The following CSNK2A2 variants were observed in gnomAD, a reference collection of about 807,000 sequenced individuals.
CSNK2A2 encodes the protein casein kinase 2 alpha 2, also known as casein kinase II subunit alpha'.
In CSNK2A2, 8 loss-of-function variants were observed where a neutral mutation model predicts 54.0. The observed-to-expected ratio is 0.15, with a 90% CI of 0.09 to 0.27. CSNK2A2 has a LOEUF of 0.27. Ranked by LOEUF, CSNK2A2 falls within the 10% of genes least tolerant of loss-of-function variation. CSNK2A2 has a pLI of 1.00. For synonymous variants in CSNK2A2, 141 were observed against 153.9 expected, an observed-to-expected ratio of 0.92 and a Z score of 0.62; for missense variants, 242 against 439.4, an observed-to-expected ratio of 0.55 and a Z score of 4.02.
intron 5 of CSNK2A2, 101 bp downstream of exon 5, chr16:58,174,350 G>A (rs1597115221): frequency 2.6e-6 from 2 of 762,656 alleles, no homozygotes; most frequent in African/African-American, 1.8e-5. Context: ...AATCCTCTGG[G>A]TATCAAGAAA....
intron 4 of CSNK2A2, among the ~76,000 whole-genome samples, chr16:58,183,619 T>G (rs1962120806): frequency 6.6e-6 from 1 of 152,180 alleles, no homozygotes; most frequent in Non-Finnish European, 1.5e-5. Flanking sequence ...AAAAAAGGGT[T>G]TCCACCATGT....
chr16:58,178,596 G>A (rs1961943133), intron 4 of CSNK2A2, among the ~76,000 whole-genome samples: 1 of 152,072 alleles, frequency 6.6e-6, no homozygotes, highest in Non-Finnish European at 1.5e-5. Context: ...ACACTTTTAA[G>A]TATGGGAGGT....
At chr16:58,180,496 C>T (rs1439202509) in intron 4 of CSNK2A2, among the ~76,000 whole-genome samples, 25 of 150,938 alleles carry the variant, frequency 1.7e-4, no homozygotes, top group Admixed American at 1.7e-3. Context: ...AGACAGAAAA[C>T]CTGGATAAAC....
At chr16:58,161,901 AG>A (rs1961387563) in intron 11 of CSNK2A2, 1 of 152,306 alleles carries the variant, frequency 6.6e-6, no homozygotes, top group Non-Finnish European at 1.5e-5. Context: ...CCCCAGGACA[AG>A]GCAGGCAGGC....
At chr16:58,194,524 AAAAC>A (rs1462763919) in intron 2 of CSNK2A2, among the ~76,000 whole-genome samples, 3 of 152,232 alleles carry the variant, frequency 2.0e-5, no homozygotes, top group Non-Finnish European at 4.4e-5. Context: ...CTGCACTGTG[AAAAC>A]AAACAACATC....
In CSNK2A2 at chr16:58,180,103, A is replaced by G. The variant is rs1961993793; in HGVS notation, c.369+4157T>C. ...CAAAAAAAAAAAAAAAAAGAAAAAG[A>G]GAAACAGAATCCAATGAGTTTAATT... On this transcript the variant is annotated intron_variant, in intron 4 of 11. Coordinates refer to ENST00000262506, the MANE Select transcript of CSNK2A2 (RefSeq NM_001896.4). Among the ~76,000 whole-genome samples the G allele has an allele frequency of 2.6e-5, 4 of 151,218 alleles. No individual in the cohort carries two copies. In the South Asian group the frequency reaches 8.3e-4, roughly 31 times the overall value.
At chr16:58,166,462 G>A in intron 9 of CSNK2A2, 122 bp downstream of exon 9, 1 of 594,594 alleles carries the variant, frequency 1.7e-6, no homozygotes, top group Non-Finnish European at 3.0e-6. Context: ...AATATGCATA[G>A]GAAAAAAGAG....
chr16:58,182,545 G>A (rs1333775311), intron 4 of CSNK2A2, among the ~76,000 whole-genome samples: 3 of 138,074 alleles, frequency 2.2e-5, no homozygotes, highest in African/African-American at 8.5e-5. Flanking sequence ...ACAGAGCGAG[G>A]CTCCGTCTCA....
chr16:58,158,719 C>G (rs1321296751), intron 11 of CSNK2A2, among the ~76,000 whole-genome samples: 1 of 152,220 alleles, frequency 6.6e-6, no homozygotes, highest in Non-Finnish European at 1.5e-5. Flanking sequence ...ATTCAGCAGT[C>G]AGCTCTAGGT....
At chr16:58,183,378 A>C (rs1345981443) in intron 4 of CSNK2A2, among the ~76,000 whole-genome samples, 1 of 122,018 alleles carries the variant, frequency 8.2e-6, no homozygotes, top group South Asian at 3.6e-4. Flanking sequence ...ACTCGATCTC[A>C]AAAAAAAAAA....
chr16:58,168,756 T>C (rs1181674925), intron 5 of CSNK2A2, 63 bp from the exon 6 acceptor site: 19 of 1,283,750 alleles, frequency 1.5e-5, no homozygotes, highest in Admixed American at 5.3e-5. Context: ...AACGCAAGCA[T>C]AGTCTTATTG....
chr16:58,180,882 A>G (rs1962020188), intron 4 of CSNK2A2, among the ~76,000 whole-genome samples: 1 of 152,166 alleles, frequency 6.6e-6, no homozygotes, highest in Admixed American at 6.5e-5. Context: ...AACTTTCCTA[A>G]TAAGATGGAC....
At chr16:58,194,420 C>A (rs1962383043) in intron 2 of CSNK2A2, among the ~76,000 whole-genome samples, 1 of 152,122 alleles carries the variant, frequency 6.6e-6, no homozygotes, top group South Asian at 2.1e-4. Context: ...GATATATTAC[C>A]CCATCCTTCA....
chr16:58,174,306 T>G (rs1348590238), intron 5 of CSNK2A2, 145 bp downstream of exon 5: 1 of 580,156 alleles, frequency 1.7e-6, no homozygotes, highest in African/African-American at 2.0e-5. Flanking sequence ...GATTCCTCGA[T>G]GGAGGCCTCA....
chr16:58,166,749 C>G, intron 8 of CSNK2A2, 65 bp from the exon 9 acceptor site: 3 of 1,146,710 alleles, frequency 2.6e-6, no homozygotes, highest in Non-Finnish European at 2.6e-6. Context: ...CGTGAGGACA[C>G]TGCACCAAGG....
Position 58,197,590 on chromosome 16 carries a change from GGCAGGGATCA to G in CSNK2A2, c.104+33_104+42del. The G allele has an allele frequency of 7.2e-7, 1 of 1,386,464 alleles. No individual in the cohort carries two copies. The highest frequency in any genetic ancestry group is 9.8e-7 in the Non-Finnish European group (1 of 1,015,882). The allele number at this position is 1,386,464 out of a possible 1,614,324, so 85.9% of individuals were successfully genotyped here. On this transcript the variant is annotated intron_variant, in intron 1 of 11. Coordinates refer to ENST00000262506, the MANE Select transcript of CSNK2A2 (RefSeq NM_001896.4). The surrounding 1 kb of genome is among the most constrained non-coding windows in gnomAD (Gnocchi z 4.0). ...GGTTCGCAGGGGGTGGCCGGGCGGG[GGCAGGGATCA>G]GCGGGCCCGGCGGGGGGCGGCGACG... is the stretch of plus-strand genomic sequence containing the variant.
intron 4 of CSNK2A2, among the ~76,000 whole-genome samples, chr16:58,183,633 G>GT (rs1487557556): frequency 1.3e-5 from 2 of 152,090 alleles, no homozygotes; most frequent in African/African-American, 4.8e-5. Flanking sequence ...ACCATGTCTA[G>GT]TATGCCTAAC....
At chr16:58,179,387 GCTA>G (rs1239364944) in intron 4 of CSNK2A2, among the ~76,000 whole-genome samples, 1 of 152,020 alleles carries the variant, frequency 6.6e-6, no homozygotes, top group African/African-American at 2.4e-5. Flanking sequence ...TGTAGTCCCA[GCTA>G]CTCAGGAGCC....
At chr16:58,189,681 G>C (rs949507938) in intron 2 of CSNK2A2, among the ~76,000 whole-genome samples, 4 of 152,176 alleles carry the variant, frequency 2.6e-5, no homozygotes, top group African/African-American at 7.2e-5. Context: ...GGGAATAGCA[G>C]GGCAACTCTG....
Sources: allele counts gnomAD v4.1 joint callset (sites outside exome capture counted in the v4.1 genomes callset), GRCh38; gene constraint gnomAD v4.1.1; non-coding constraint Gnocchi (gnomAD v3.1); transcripts MANE v1.5; gene names NCBI Gene and HGNC (gene_info 2026-07-23, HGNC 2026-07-21).